GLI3: variants seen among roughly 807,000 people sequenced by gnomAD.
GLI3 encodes the protein GLI family zinc finger 3, also known as transcription activator GLI3.
A neutral mutation model predicts 100.8 loss-of-function variants in GLI3; 20 were observed. The ratio of observed to expected loss-of-function variants is 0.20; its 90% CI spans 0.14 to 0.29. The LOEUF (loss-of-function observed/expected upper bound fraction) is 0.29. Ranked by LOEUF, GLI3 falls within the 10% of genes least tolerant of loss-of-function variation. The pLI, the probability that GLI3 is intolerant of heterozygous loss-of-function variation, is 1.00. For synonymous variants in GLI3, 938 were observed against 860.5 expected (o/e 1.09, Z -1.58); for missense variants, 2,040 against 2,128.5 (o/e 0.96, Z 0.82).
intron 1 of GLI3, among the ~76,000 whole-genome samples, chr7:42,252,353 C>T (rs961860826): frequency 5.9e-5 from 9 of 151,922 alleles, no homozygotes; most frequent in Admixed American, 3.3e-4. Context: ...GGGTGTTGGG[C>T]GGGAGGAGGA....
intron 1 of GLI3, among the ~76,000 whole-genome samples, chr7:42,257,471 A>C (rs1245331235): frequency 6.6e-6 from 1 of 150,750 alleles, no homozygotes; most frequent in African/African-American, 2.4e-5. Context: ...CAGCCTCCCG[A>C]GTAGCTGGGA....
intron 13 of GLI3, 39 bp from the exon 14 acceptor site, chr7:41,967,962 G>A: frequency 2.0e-6 from 3 of 1,523,462 alleles, no homozygotes; most frequent in Non-Finnish European, 2.7e-6. Context: ...ATGTCACCAG[G>A]GAGGGTCAAG....
intron 7 of GLI3, among the ~76,000 whole-genome samples, chr7:42,030,522 T>C (rs763752028): frequency 5.3e-5 from 8 of 152,174 alleles, no homozygotes; most frequent in Non-Finnish European, 1.0e-4. Flanking sequence ...TCTACATCCA[T>C]TTCTTTCTGC....
chr7:42,243,149 G>A (rs991225876), intron 1 of GLI3, among the ~76,000 whole-genome samples: 2 of 152,024 alleles, frequency 1.3e-5, no homozygotes, highest in Non-Finnish European at 1.5e-5. Flanking sequence ...GTGTCCATGC[G>A]AGAACTTTAG....
At chr7:42,228,212 CCCAGTCAGCGCG>C (rs1788622847) in intron 1 of GLI3, among the ~76,000 whole-genome samples, 1 of 152,152 alleles carries the variant, frequency 6.6e-6, no homozygotes, top group African/African-American at 2.4e-5. Context: ...CCCGGCGCGC[CCCAGTCAGCGCG>C]CCAGCAAACA....
At chr7:42,105,422 A>T (rs1785551792) in intron 3 of GLI3, among the ~76,000 whole-genome samples, 1 of 152,164 alleles carries the variant, frequency 6.6e-6, no homozygotes, top group Non-Finnish European at 1.5e-5. Context: ...TATAAAAATT[A>T]CTCTAAATAA....
upstream of GLI3, chr7:42,237,665 C>T (rs1788842809): frequency 6.6e-6 from 1 of 152,518 alleles, no homozygotes; most frequent in Non-Finnish European, 1.5e-5. Flanking sequence ...CCGCCCCGGC[C>T]CCCGCCCAGT....
chr7:42,075,186 T>C (rs768895905), intron 4 of GLI3, among the ~76,000 whole-genome samples: 73 of 152,322 alleles, frequency 4.8e-4, no homozygotes, highest in Non-Finnish European at 9.6e-4. Context: ...CAAACTATAA[T>C]GAATGCAGAG....
At chr7:42,146,153 A>G (rs766770239) in intron 3 of GLI3, among the ~76,000 whole-genome samples, 1 of 152,374 alleles carries the variant, frequency 6.6e-6, no homozygotes, top group East Asian at 1.9e-4. Context: ...TATACAGTTT[A>G]TAAGTTATCA....
chr7:42,214,516 G>A, intron 2 of GLI3, among the ~76,000 whole-genome samples: 2 of 116,542 alleles, frequency 1.7e-5, no homozygotes, highest in Admixed American at 1.0e-4. Context: ...CGAAGAAAGG[G>A]AAAAAAGAGC....
At chr7:42,233,504 G>A (rs888349009) in intron 1 of GLI3, among the ~76,000 whole-genome samples, 2 of 152,156 alleles carry the variant, frequency 1.3e-5, no homozygotes, top group Non-Finnish European at 2.9e-5. Context: ...ACGTTTGACT[G>A]CTGCTTGGCG....
intron 3 of GLI3, among the ~76,000 whole-genome samples, chr7:42,141,505 C>A (rs1423391201): frequency 1.3e-5 from 2 of 151,984 alleles, no homozygotes; most frequent in African/African-American, 2.4e-5. Flanking sequence ...AACCCCGTGT[C>A]TACTAAAAAT....
intron 10 of GLI3, among the ~76,000 whole-genome samples, chr7:42,005,249 G>A (rs754817356): frequency 7.2e-5 from 11 of 151,974 alleles, no homozygotes; most frequent in Non-Finnish European, 1.3e-4. Context: ...GAACCTTACC[G>A]TTTCCCTGTT....
intron 2 of GLI3, among the ~76,000 whole-genome samples, chr7:42,220,665 T>TA (rs1229197740): frequency 2.6e-5 from 4 of 152,198 alleles, no homozygotes; most frequent in South Asian, 2.1e-4. Flanking sequence ...GAGGACTCTG[T>TA]AAAAAAGACC....
At chr7:42,064,156 T>C (rs1291045189) in intron 4 of GLI3, among the ~76,000 whole-genome samples, 1 of 152,086 alleles carries the variant, frequency 6.6e-6, no homozygotes, top group Non-Finnish European at 1.5e-5. Context: ...TCAGCAGAGC[T>C]TCACATAAGG....
Position 42,055,072 on chromosome 7 carries a change from T to TATATACAC in GLI3, c.474-6377_474-6376insGTGTATAT, listed in dbSNP as rs1292142012. On this transcript the variant is annotated intron_variant, in intron 4 of 14. Coordinates refer to ENST00000395925, the MANE Select transcript of GLI3 (RefSeq NM_000168.6). ...ATATACACACACATATATGTATACA[T>TATATACAC]ATATATGTATATATACATATATACA... Among the ~76,000 whole-genome samples the TATATACAC allele has an allele frequency of 1.4e-3, 196 of 136,076 alleles. 3 individuals are homozygous for TATATACAC. The highest frequency in any genetic ancestry group is 5.6e-3 in the African/African-American group (168 of 30,012). 89.3% of individuals were successfully genotyped at this position (136,076 alleles called of 152,430 possible). A position where few individuals can be genotyped will look rare whatever the true frequency, so the allele number is the denominator to read the frequency against.
At chr7:42,005,061 A>G (rs766193294) in intron 10 of GLI3, among the ~76,000 whole-genome samples, 2 of 152,244 alleles carry the variant, frequency 1.3e-5, no homozygotes, top group African/African-American at 4.8e-5. Context: ...CATACATATG[A>G]TGAAAGCAAG....
At chr7:42,139,428 C>A (rs1205941742) in intron 3 of GLI3, among the ~76,000 whole-genome samples, 2 of 152,114 alleles carry the variant, frequency 1.3e-5, no homozygotes, top group Non-Finnish European at 2.9e-5. Context: ...GCCTGTAATC[C>A]CAGCACTTTG....
At chr7:42,181,515 G>A (rs1026011765) in intron 2 of GLI3, among the ~76,000 whole-genome samples, 2 of 152,094 alleles carry the variant, frequency 1.3e-5, no homozygotes, top group Non-Finnish European at 2.9e-5. Context: ...TTAGGTGGGA[G>A]GACTGCCTGA....
Sources: allele counts gnomAD v4.1 joint callset (sites outside exome capture counted in the v4.1 genomes callset), GRCh38; gene constraint gnomAD v4.1.1; transcripts MANE v1.5; gene names NCBI Gene and HGNC (gene_info 2026-07-23, HGNC 2026-07-21).